The following PDE2A variants were observed in gnomAD, a reference collection of about 807,000 sequenced individuals.
PDE2A encodes the protein phosphodiesterase 2A, also known as cGMP-dependent 3',5'-cyclic phosphodiesterase.
A neutral mutation model predicts 133.6 loss-of-function variants in PDE2A; 53 were observed. The observed-to-expected ratio is 0.40, with a 90% CI of 0.32 to 0.50. The LOEUF (loss-of-function observed/expected upper bound fraction) is 0.50. PDE2A is among the 20% of genes least tolerant of loss of function. The pLI, the probability that PDE2A is intolerant of heterozygous loss-of-function variation, is 0.73. For missense variants in PDE2A, 796 were observed against 1,232.4 expected (o/e 0.65, Z 5.30); for synonymous variants, 491 against 490.2 (o/e 1.00, Z -0.02).
intron 14 of PDE2A, among the ~76,000 whole-genome samples, 188 bp downstream of exon 14, chr11:72,585,882 T>C (rs950318996): frequency 6.6e-6 from 1 of 152,192 alleles, no homozygotes; most frequent in African/African-American, 2.4e-5. Context: ...GGCGATCACA[T>C]ACAGTGCCTG....
intron 6 of PDE2A, among the ~76,000 whole-genome samples, chr11:72,593,577 G>A (rs1460663648): frequency 6.6e-6 from 1 of 152,214 alleles, no homozygotes; most frequent in East Asian, 1.9e-4. Context: ...GGGAGCTGGT[G>A]TGGCTGGTGC....
At chr11:72,642,353 G>A in intron 1 of PDE2A, 27 bp from the exon 2 acceptor site, 1 of 1,522,804 alleles carries the variant, frequency 6.6e-7, no homozygotes, top group African/African-American at 1.4e-5. Context: ...CAGCGATGAG[G>A]ATGTGGTGCA....
intron 4 of PDE2A, chr11:72,598,918 G>A (rs1591047284): frequency 5.1e-6 from 5 of 985,366 alleles, no homozygotes; most frequent in African/African-American, 1.7e-5. Flanking sequence ...TCCAGTTCCC[G>A]GCTGTCCACA....
intron 6 of PDE2A, among the ~76,000 whole-genome samples, chr11:72,595,060 A>G (rs1856415686): frequency 1.3e-5 from 2 of 152,062 alleles, no homozygotes; most frequent in South Asian, 4.1e-4. Flanking sequence ...ACACACACAC[A>G]CACACACATT....
intron 2 of PDE2A, among the ~76,000 whole-genome samples, chr11:72,630,539 T>G (rs1591101575): frequency 8.9e-6 from 1 of 112,908 alleles, no homozygotes; most frequent in African/African-American, 3.6e-5. Context: ...CAGGAATGGA[T>G]GAAGGGGAAC....
chr11:72,610,867 G>A (rs1857182647), intron 2 of PDE2A, among the ~76,000 whole-genome samples: 1 of 152,132 alleles, frequency 6.6e-6, no homozygotes, highest in Non-Finnish European at 1.5e-5. Flanking sequence ...GTTCCTTAAA[G>A]ATTCACAGGG....
intron 6 of PDE2A, among the ~76,000 whole-genome samples, chr11:72,594,539 A>C (rs1856385483): frequency 6.6e-6 from 1 of 152,118 alleles, no homozygotes; most frequent in Non-Finnish European, 1.5e-5. Flanking sequence ...AACACCTTTC[A>C]AGAGTTCTTC....
intron 1 of PDE2A, among the ~76,000 whole-genome samples, chr11:72,644,723 T>A (rs1429120611): frequency 7.0e-6 from 1 of 142,856 alleles, no homozygotes; most frequent in East Asian, 2.0e-4. Flanking sequence ...GAAGTTATTT[T>A]ATTTATTTTA....
chr11:72,582,249 C>A (rs539784113), intron 21 of PDE2A, 195 bp downstream of exon 21: 5 of 636,226 alleles, frequency 7.9e-6, no homozygotes, highest in East Asian at 2.7e-5. Context: ...TTGGGATCAT[C>A]CAGTCCAGCC....
At chr11:72,634,205 G>A (rs964162646) in intron 2 of PDE2A, among the ~76,000 whole-genome samples, 5 of 152,132 alleles carry the variant, frequency 3.3e-5, no homozygotes, top group African/African-American at 9.7e-5. Context: ...CGACAGGAGG[G>A]CCCGGGGAGG....
At position 72,637,200 on chromosome 11, in the gene PDE2A, C is replaced by T. The variant is rs181607629; in HGVS notation, c.144+5054G>A. On this transcript the variant is annotated intron_variant, in intron 2 of 30. Transcript: ENST00000334456. ...CCCACTCTGGGCTGAAATAGGGGTCCCTGCTTTATATCACCATGGCCCCTG... is the reference window on the plus strand; with the variant it reads ...CCCACTCTGGGCTGAAATAGGGGTCTCTGCTTTATATCACCATGGCCCCTG... Among the ~76,000 whole-genome samples, 518 of 152,330 alleles carry T rather than the reference C, an allele frequency of 3.4e-3. 1 individual carries two copies. Among genetic ancestry groups the T allele is most frequent in the Admixed American group, 8.8e-3 (135 of 15,304 alleles).
intron 3 of PDE2A, among the ~76,000 whole-genome samples, chr11:72,607,663 C>CCT (rs780071259): frequency 6.6e-6 from 1 of 151,954 alleles, no homozygotes; most frequent in African/African-American, 2.4e-5. Context: ...GGACAAGTGC[C>CCT]CTCTCTCTCT....
chr11:72,589,892 G>T lies in PDE2A; in HGVS notation c.831+15C>A. The T allele has an allele frequency of 1.2e-6, 2 of 1,612,016 alleles. No homozygotes were observed. Among genetic ancestry groups the T allele is most frequent in the South Asian group, 1.1e-5 (1 of 90,666 alleles). ...CCAGCCCCGCCCCCGCTCTACAGTG[G>T]ACCTGGGCCCTCACCTTGCAAGAAA... is the stretch of plus-strand genomic sequence containing the variant. On this transcript the variant is annotated intron_variant, in intron 10 of 30. Transcript: ENST00000334456.
intron 4 of PDE2A, among the ~76,000 whole-genome samples, chr11:72,604,082 T>C (rs56688852): frequency 0.041 from 6,251 of 152,326 alleles, 276 homozygotes; most frequent in African/African-American, 0.11. Flanking sequence ...GAGAGCTGCC[T>C]TCTTGGGACA....
intron 1 of PDE2A, among the ~76,000 whole-genome samples, chr11:72,670,886 G>A (rs954251171): frequency 1.3e-5 from 2 of 152,268 alleles, no homozygotes; most frequent in Non-Finnish European, 2.9e-5. Context: ...TCCTATGTCC[G>A]GGGGTATACA....
chr11:72,584,579 G>A lies in PDE2A; in HGVS notation c.1509C>T (p.Leu503=), dbSNP rs576924942. ...GGTTCTCGTTCTTGATGGGGAAGCA[G>A]AGGATGTTGCGCGTGCGGAAGCCGG... is the stretch of plus-strand genomic sequence containing the variant. ...DSTGFRTRNI[L]CFPIKNENQE... is the part of the protein sequence containing the mutation. The change falls in exon 18 of 31, where the codon CTC becomes CTT. Residue 503 remains leucine (L), a synonymous_variant. Coordinates refer to ENST00000334456, the MANE Select transcript of PDE2A (RefSeq NM_002599.5). 1.3e-5 allele frequency: 21 copies of A among 1,612,274 alleles called. No homozygotes were observed. The African/African-American group carries it at 1.7e-4, about 13-fold the overall frequency.
At position 72,605,168 on chromosome 11, in the gene PDE2A, G is replaced by T. The variant is rs374515052; in HGVS notation, c.293C>A (p.Pro98Gln). 1.3e-5 allele frequency: 21 copies of T among 1,609,598 alleles called. No individual in the cohort carries two copies. The highest frequency in any genetic ancestry group is 1.7e-5 in the Non-Finnish European group (20 of 1,177,270). The change falls in exon 4 of 31, where the codon CCA becomes CAA. Residue 98 changes from proline (P) to glutamine (Q), a missense_variant. By Grantham distance (76) the Pro-to-Gln change is moderately conservative (BLOSUM62 -1). Coordinates refer to ENST00000334456, the MANE Select transcript of PDE2A (RefSeq NM_002599.5). The stretch of plus-strand genomic sequence containing the variant: ...TTTCCCCTCCTGGGGCAGCTCATGT[G>T]GGGGGTCCTCACACACCAGCTGGGA... ...GESQLVCEDP[P>Q]HELPQEGKVR...
intron 2 of PDE2A, among the ~76,000 whole-genome samples, chr11:72,640,193 C>T (rs1052107894): frequency 6.6e-6 from 1 of 152,100 alleles, no homozygotes; most frequent in African/African-American, 2.4e-5. Context: ...GCACCTCACA[C>T]ACCTCTCACC....
chr11:72,655,256 C>T (rs529316304), intron 1 of PDE2A, among the ~76,000 whole-genome samples: 2 of 149,928 alleles, frequency 1.3e-5, no homozygotes, highest in East Asian at 2.0e-4. Context: ...CAGGGATGAT[C>T]GATCGACTGT....
Sources: gnomAD v4.1 joint callset for allele counts (sites outside exome capture counted in the v4.1 genomes callset) on GRCh38, gnomAD v4.1.1 for gene constraint, MANE v1.5 for transcripts, NCBI Gene and HGNC (gene_info 2026-07-23, HGNC 2026-07-21) for gene names.